The following ZNF804B variants were observed in gnomAD, a reference collection of about 807,000 sequenced individuals.
The protein encoded by ZNF804B is zinc finger 804B.
Under a neutral mutation model 101.4 loss-of-function variants are expected in ZNF804B, and 80 were observed. That is an observed-to-expected ratio of 0.79 (90% CI 0.66 to 0.95). The LOEUF (loss-of-function observed/expected upper bound fraction) is 0.95, where lower values mean the gene tolerates loss of function less well. ZNF804B is among the 40% of genes least tolerant of loss of function. The pLI, the probability that ZNF804B is intolerant of heterozygous loss-of-function variation, is 0.00. For missense variants in ZNF804B, 1,673 were observed against 1,561.9 expected, an observed-to-expected ratio of 1.07 and a Z score of -1.20; for synonymous variants, 622 against 558.8, an observed-to-expected ratio of 1.11 and a Z score of -1.59.
chr7:88,803,602 T>C (rs570826555), intron 1 of ZNF804B, among the ~76,000 whole-genome samples: 2 of 152,202 alleles, frequency 1.3e-5, no homozygotes, highest in South Asian at 4.1e-4. Context: ...ACACTGAAGG[T>C]TTGAATATCA....
intron 1 of ZNF804B, among the ~76,000 whole-genome samples, chr7:88,761,929 T>C (rs911915911): frequency 6.6e-6 from 1 of 152,190 alleles, no homozygotes; most frequent in Non-Finnish European, 1.5e-5. Context: ...ACTGACACTA[T>C]AGAGACTGGA....
chr7:89,035,121 T>C (rs2116237794), intron 1 of ZNF804B, among the ~76,000 whole-genome samples: 1 of 152,226 alleles, frequency 6.6e-6, no homozygotes, highest in African/African-American at 2.4e-5. Context: ...GAAGACGAGA[T>C]TTTACCTAAA....
intron 1 of ZNF804B, among the ~76,000 whole-genome samples, chr7:88,942,376 G>A (rs2116048697): frequency 6.6e-6 from 1 of 151,916 alleles, no homozygotes; most frequent in South Asian, 2.1e-4. Flanking sequence ...GAACATTTAA[G>A]TTTCCTTTTA....
At position 89,056,969 on chromosome 7, in the gene ZNF804B, G is replaced by A. The variant is rs117742549; in HGVS notation, c.109-161186G>A. On this transcript the variant is annotated intron_variant, in intron 1 of 3. Coordinates refer to ENST00000333190, the MANE Select transcript of ZNF804B (RefSeq NM_181646.5). Reference sequence around the variant, plus strand: ...TGGAGTGGGCTAAAGTGTGAAGATCGTTGATTGGTCAAAGAGTGCAGGGAG... The same window carrying A: ...TGGAGTGGGCTAAAGTGTGAAGATCATTGATTGGTCAAAGAGTGCAGGGAG... Among the ~76,000 whole-genome samples the A allele has an allele frequency of 1.9e-3, 283 of 152,154 alleles. 7 individuals carry two copies. The highest frequency in any genetic ancestry group is 5.2e-3 in the East Asian group (27 of 5,150).
At chr7:89,220,614 A>T (rs1356311577) in intron 2 of ZNF804B, among the ~76,000 whole-genome samples, 1 of 151,934 alleles carries the variant, frequency 6.6e-6, no homozygotes, top group African/African-American at 2.4e-5. Flanking sequence ...ATCTAAAAGT[A>T]TTTCAAGATA....
intron 1 of ZNF804B, among the ~76,000 whole-genome samples, chr7:88,869,211 A>G (rs2115874538): frequency 6.6e-6 from 1 of 152,292 alleles, no homozygotes; most frequent in Middle Eastern, 3.4e-3. Context: ...TTTCAGCATA[A>G]TTCTTTTGAG....
At chr7:89,323,732 A>G (rs1025198349) in intron 2 of ZNF804B, among the ~76,000 whole-genome samples, 1 of 152,094 alleles carries the variant, frequency 6.6e-6, no homozygotes, top group East Asian at 1.9e-4. Flanking sequence ...GCTTTGCACA[A>G]TACCCTATTT....
chr7:89,290,033 G>A (rs561983703), intron 2 of ZNF804B, among the ~76,000 whole-genome samples: 1 of 152,278 alleles, frequency 6.6e-6, no homozygotes, highest in Non-Finnish European at 1.5e-5. Context: ...GCCAAAGTAG[G>A]ATTGGACACC....
At chr7:89,304,905 A>G (rs1290369940) in intron 2 of ZNF804B, among the ~76,000 whole-genome samples, 4 of 152,018 alleles carry the variant, frequency 2.6e-5, no homozygotes, top group Non-Finnish European at 5.9e-5. Flanking sequence ...GAGAAGAAGT[A>G]CAAAATTCAA....
At chr7:89,118,374 A>G (rs570468572) in intron 1 of ZNF804B, among the ~76,000 whole-genome samples, 23 of 152,266 alleles carry the variant, frequency 1.5e-4, no homozygotes, top group Admixed American at 1.4e-3. Flanking sequence ...GATAATCTCC[A>G]TAGTTTCTAG....
Position 88,923,640 on chromosome 7 carries a change from T to C in ZNF804B, c.108+163556T>C, listed in dbSNP as rs191887907. Among the ~76,000 whole-genome samples, 114 of 152,252 alleles carry C rather than the reference T, an allele frequency of 7.5e-4. 1 individual carries two copies. Among genetic ancestry groups the C allele is most frequent in the Non-Finnish European group, 1.4e-3 (95 of 67,998 alleles). The stretch of plus-strand genomic sequence containing the variant: ...TGATTTAGTGCAAATGTCTCTCAAA[T>C]GTGTTTTTCTTTTAGTTAAAAGTAA... On this transcript the variant is annotated intron_variant, in intron 1 of 3. Transcript: ENST00000333190.
intron 2 of ZNF804B, among the ~76,000 whole-genome samples, chr7:89,281,339 A>G (rs1396792587): frequency 6.6e-6 from 1 of 152,226 alleles, no homozygotes; most frequent in East Asian, 1.9e-4. Flanking sequence ...CATTTTCATC[A>G]GCATTTTCTC....
intron 2 of ZNF804B, among the ~76,000 whole-genome samples, chr7:89,299,469 A>G (rs1418748869): frequency 6.6e-6 from 1 of 152,072 alleles, no homozygotes; most frequent in Non-Finnish European, 1.5e-5. Context: ...TCTCCTCTCT[A>G]GGATTCTGAT....
chr7:89,084,768 T>A (rs1463819995), intron 1 of ZNF804B, among the ~76,000 whole-genome samples: 2 of 151,930 alleles, frequency 1.3e-5, no homozygotes, highest in Admixed American at 1.3e-4. Context: ...AAACAAACCA[T>A]CTTCTTTAAA....
intron 1 of ZNF804B, among the ~76,000 whole-genome samples, chr7:88,884,958 A>T (rs562250593): frequency 3.3e-5 from 5 of 152,010 alleles, no homozygotes; most frequent in African/African-American, 1.2e-4. Context: ...GCTACTAATA[A>T]TAATTTTCTC....
intron 1 of ZNF804B, among the ~76,000 whole-genome samples, chr7:89,208,217 G>T (rs962106534): frequency 2.0e-5 from 3 of 151,938 alleles, no homozygotes; most frequent in African/African-American, 7.3e-5. Flanking sequence ...GAGTAGCTGG[G>T]ACTACAGGTG....
chr7:88,945,367 T>C (rs1194619104), intron 1 of ZNF804B, among the ~76,000 whole-genome samples: 1 of 152,146 alleles, frequency 6.6e-6, no homozygotes, highest in East Asian at 1.9e-4. Context: ...ATTGCTTGTT[T>C]TTGTCAGGTT....
chr7:88,832,157 A>T (rs1442014661), intron 1 of ZNF804B, among the ~76,000 whole-genome samples: 1 of 146,154 alleles, frequency 6.8e-6, no homozygotes, highest in Non-Finnish European at 1.5e-5. Context: ...TTCCACAGGA[A>T]CTATTCCTGC....
At chr7:88,967,196 T>A (rs1320898416) in intron 1 of ZNF804B, among the ~76,000 whole-genome samples, 1 of 151,178 alleles carries the variant, frequency 6.6e-6, no homozygotes, top group Non-Finnish European at 1.5e-5. Context: ...GAAAAGAGGT[T>A]TAATTGACTC....
Sources: gnomAD v4.1 joint callset for allele counts (sites outside exome capture counted in the v4.1 genomes callset) on GRCh38, gnomAD v4.1.1 for gene constraint, MANE v1.5 for transcripts, NCBI Gene and HGNC (gene_info 2026-07-23, HGNC 2026-07-21) for gene names.